The following MMP26 variants were observed in gnomAD, a reference collection of about 807,000 sequenced individuals.
MMP26 encodes matrix metalloproteinase-26.
MMP26 carries 33 observed loss-of-function variants against 31.0 expected under a neutral mutation model. That is an observed-to-expected ratio of 1.06 (90% CI 0.81 to 1.42). The LOEUF (loss-of-function observed/expected upper bound fraction) is 1.42. MMP26 is among the 40% of genes most tolerant of loss of function. MMP26 has a pLI of 0.00. For missense variants in MMP26, 347 were observed against 316.1 expected, an observed-to-expected ratio of 1.10 and a Z score of -0.74; for synonymous variants, 122 against 114.9, an observed-to-expected ratio of 1.06 and a Z score of -0.40.
At chr11:4,748,389 A>G (rs373490583) in intron 1 of MMP26, among the ~76,000 whole-genome samples, 61 of 152,164 alleles carry the variant, frequency 4.0e-4, no homozygotes, top group African/African-American at 1.4e-3. Context: ...GTACCAATCC[A>G]ACTAAAACTG....
intron 2 of MMP26, chr11:4,924,305 G>T (rs755634175): frequency 1.1e-5 from 17 of 1,612,050 alleles, no homozygotes; most frequent in Middle Eastern, 1.7e-4. Flanking sequence ...GAAGAAAGTG[G>T]CTCTTTGGAG....
chr11:4,803,967 G>T lies in MMP26; in HGVS notation c.-145+36626G>T, dbSNP rs1008452320. On this transcript the variant is annotated intron_variant, in intron 2 of 7. Transcript: ENST00000380390. ...GTTTGATCACGACCGATGGGGTCAG[G>T]ATGCTAGAGTGTCGGAGTGGGAAGC... The T allele has an allele frequency of 3.1e-6, 5 of 1,613,612 alleles. No homozygotes were observed. The African/African-American group carries it at 6.7e-5, about 22-fold the overall frequency.
chr11:4,944,983 C>T (rs572762754), intron 2 of MMP26: 26 of 152,070 alleles, frequency 1.7e-4, no homozygotes, highest in Non-Finnish European at 2.9e-4. Context: ...GTGTCCTAGA[C>T]ATTAGGCAGG....
chr11:4,742,013 A>G (rs147277815), intron 1 of MMP26, among the ~76,000 whole-genome samples: 1 of 152,176 alleles, frequency 6.6e-6, no homozygotes, highest in Non-Finnish European at 1.5e-5. Flanking sequence ...AGCCAGCAAG[A>G]GGGAGACTGT....
chr11:4,737,084 T>C (rs1589887115), intron 1 of MMP26: 2 of 152,326 alleles, frequency 1.3e-5, no homozygotes, highest in East Asian at 3.9e-4. Flanking sequence ...GAGGAAGTGA[T>C]GTTAAGAAAA....
chr11:4,808,760 CT>C (rs11335702), intron 2 of MMP26, among the ~76,000 whole-genome samples: 74,430 of 142,220 alleles, frequency 0.52, 20,742 homozygotes, highest in Middle Eastern at 0.65. Context: ...CTCAGATTTT[CT>C]TTTTTTTTTT....
intron 2 of MMP26, chr11:4,881,960 G>A: frequency 6.2e-7 from 1 of 1,613,752 alleles, no homozygotes; most frequent in Non-Finnish European, 8.5e-7. Context: ...TGCATTCCCT[G>A]GGCTGGAATG....
At chr11:4,726,981 A>G (rs1334494183) in intron 1 of MMP26, among the ~76,000 whole-genome samples, 1 of 152,138 alleles carries the variant, frequency 6.6e-6, no homozygotes, top group African/African-American at 2.4e-5. Context: ...ATGCCATTGC[A>G]CTCCATCCTG....
intron 2 of MMP26, among the ~76,000 whole-genome samples, chr11:4,844,095 C>T (rs907478937): frequency 3.9e-5 from 6 of 152,008 alleles, no homozygotes; most frequent in Non-Finnish European, 7.4e-5. Flanking sequence ...GGAAACATTA[C>T]AACTGATACT....
intron 2 of MMP26, among the ~76,000 whole-genome samples, chr11:4,934,367 G>A (rs2133593856): frequency 1.8e-5 from 2 of 110,152 alleles, no homozygotes; most frequent in South Asian, 6.7e-4. Context: ...CTGCATAAAT[G>A]TCTTCTTTTG....
chr11:4,823,340 CTTT>C (rs1849536866), intron 2 of MMP26, among the ~76,000 whole-genome samples: 3 of 152,146 alleles, frequency 2.0e-5, no homozygotes, highest in Admixed American at 2.0e-4. Context: ...TTATCCAAGC[CTTT>C]TAGCAAAGTC....
chr11:4,713,790 G>A (rs548908104), intron 1 of MMP26, among the ~76,000 whole-genome samples: 149 of 152,158 alleles, frequency 9.8e-4, no homozygotes, highest in Non-Finnish European at 1.8e-3. Context: ...GATGAGGGGC[G>A]ATCTGGTGGG....
chr11:4,884,162 T>C (rs1850516732), intron 2 of MMP26, among the ~76,000 whole-genome samples: 1 of 152,134 alleles, frequency 6.6e-6, no homozygotes, highest in Non-Finnish European at 1.5e-5. Context: ...CTTTCATGCA[T>C]TATACTCAGG....
chr11:4,911,462 G>A (rs1159163557), intron 2 of MMP26, among the ~76,000 whole-genome samples: 1 of 152,066 alleles, frequency 6.6e-6, no homozygotes, highest in South Asian at 2.1e-4. Context: ...AGTGAGTGTT[G>A]AATACTGAAT....
At chr11:4,830,812 C>A (rs542358858) in intron 2 of MMP26, among the ~76,000 whole-genome samples, 1 of 152,250 alleles carries the variant, frequency 6.6e-6, no homozygotes, top group Non-Finnish European at 1.5e-5. Flanking sequence ...CAGACACCTG[C>A]ACTGGTCACC....
chr11:4,984,471 T>G (rs1013738157), intron 2 of MMP26, among the ~76,000 whole-genome samples: 1 of 152,218 alleles, frequency 6.6e-6, no homozygotes, highest in South Asian at 2.1e-4. Flanking sequence ...TATGTATCAA[T>G]AGTTTGTTAA....
At chr11:4,771,316 A>G (rs768129893) in intron 2 of MMP26, among the ~76,000 whole-genome samples, 8 of 152,332 alleles carry the variant, frequency 5.3e-5, no homozygotes, top group Non-Finnish European at 1.0e-4. Flanking sequence ...CATCATTTGC[A>G]CTGACACTAG....
At chr11:4,767,010 C>A (rs565553172) in intron 1 of MMP26, among the ~76,000 whole-genome samples, 1 of 152,054 alleles carries the variant, frequency 6.6e-6, no homozygotes, top group African/African-American at 2.4e-5. Context: ...GAAAGTGTAG[C>A]CAAATTTGTA....
At chr11:4,822,150 C>T in intron 2 of MMP26, 1 of 1,613,292 alleles carries the variant, frequency 6.2e-7, no homozygotes, top group Non-Finnish European at 8.5e-7. Context: ...TCAACACCTG[C>T]ACATCCCACA....
Sources: allele counts gnomAD v4.1 joint callset (sites outside exome capture counted in the v4.1 genomes callset), GRCh38; gene constraint gnomAD v4.1.1; transcripts MANE v1.5; gene names NCBI Gene and HGNC (gene_info 2026-07-23, HGNC 2026-07-21).